Variants in CRHR2 observed in about 807,000 individuals in gnomAD.
CRHR2 encodes corticotropin releasing hormone receptor 2.
A neutral mutation model predicts 57.9 loss-of-function variants in CRHR2; 53 were observed. The observed-to-expected ratio is 0.92, with a 90% CI of 0.73 to 1.15. The LOEUF (loss-of-function observed/expected upper bound fraction) is 1.15, where lower values mean the gene tolerates loss of function less well. Among genes scored for constraint, CRHR2 ranks in the 50% most tolerant of loss-of-function variants. The pLI is 0.00. For synonymous variants in CRHR2, 213 were observed against 220.9 expected (o/e 0.96, Z 0.32); for missense variants, 532 against 542.6 (o/e 0.98, Z 0.19).
intron 2 of CRHR2, among the ~76,000 whole-genome samples, chr7:30,675,646 A>G (rs1279320293): frequency 6.6e-6 from 1 of 151,932 alleles, no homozygotes. Flanking sequence ...CATTAGCTCA[A>G]TTTTTCAAGG....
At position 30,653,369 on chromosome 7, in the gene CRHR2, T is replaced by A; in HGVS notation, c.*91A>T. ...GAGAGCTGGTCTCTCCCCTCCCATC[T>A]CCTGCCCCACGAGAGCCTGCCCAGC... On this transcript the variant is annotated 3_prime_UTR_variant, in exon 12 of 12. Transcript: ENST00000471646. The surrounding 1 kb of genome is among the most constrained non-coding windows in gnomAD (Gnocchi z 5.0). 2 of 1,521,978 alleles carry A rather than the reference T, an allele frequency of 1.3e-6. No homozygotes were observed. The highest frequency in any genetic ancestry group is 1.8e-6 in the Non-Finnish European group (2 of 1,131,702). 94.3% of individuals were successfully genotyped at this position (1,521,978 alleles called of 1,614,324 possible). A position where few individuals can be genotyped will look rare whatever the true frequency, so the allele number is the denominator to read the frequency against.
At position 30,656,811 on chromosome 7, in the gene CRHR2, C is replaced by T. The variant is rs1783806983; in HGVS notation, c.832-799G>A. Among the ~76,000 whole-genome samples, 1 of 152,146 alleles carries T rather than the reference C, an allele frequency of 6.6e-6. No homozygotes were observed. The highest frequency in any genetic ancestry group is 2.1e-4 in the South Asian group (1 of 4,828). On this transcript the variant is annotated intron_variant, in intron 8 of 11. Transcript: ENST00000471646. The surrounding 1 kb of genome is among the most constrained non-coding windows in gnomAD (Gnocchi z 4.4). ...GCTGTGACTATGACTGTGTTGTCCCCTGGGAGCTGCAGTGTGGGTCTGTGG... is the reference window on the plus strand; with the variant it reads ...GCTGTGACTATGACTGTGTTGTCCCTTGGGAGCTGCAGTGTGGGTCTGTGG...
chr7:30,665,455 G>C lies in CRHR2; in HGVS notation c.425+75C>G. On this transcript the variant is annotated intron_variant, in intron 4 of 11. Transcript: ENST00000471646. This position sits in a 1 kb window ranked among gnomAD's most constrained non-coding sequence, Gnocchi z 4.5. ...CTGCTGGGCCCCAGAATGGAGGTGA[G>C]AATGTCTGGGAGAGGTGAAGGGGGT... The C allele has an allele frequency of 7.9e-7, 1 of 1,272,412 alleles. No individual in the cohort carries two copies. Among genetic ancestry groups the C allele is most frequent in the South Asian group, 1.3e-5 (1 of 74,916 alleles). 78.8% of individuals were successfully genotyped at this position (1,272,412 alleles called of 1,614,324 possible).
rs778838762 is a variant in CRHR2, at chr7:30,655,986, G to A, written c.858C>T (p.Ile286=). The A allele has an allele frequency of 2.0e-5, 33 of 1,611,686 alleles. No individual in the cohort carries two copies. Among genetic ancestry groups the A allele is most frequent in the African/African-American group, 2.7e-5 (2 of 74,844 alleles). The change falls in exon 9 of 12, where the codon ATC becomes ATT. Residue 286 remains isoleucine, a synonymous_variant. Transcript: ENST00000471646. The part of the protein sequence containing the change: ...LLINFVFLFN[I]VRILMTKLRA... The stretch of plus-strand genomic sequence containing the variant: ...GTAACTTTGTCATTAGGATCCTGAC[G>A]ATGTTGAACAGAAATACGAAATTGA...
intron 5 of CRHR2, among the ~76,000 whole-genome samples, chr7:30,664,631 C>A (rs1784117646): frequency 6.6e-6 from 1 of 152,108 alleles, no homozygotes; most frequent in Non-Finnish European, 1.5e-5. Flanking sequence ...CTCCTCCCAG[C>A]CCAGCTCTGT....
rs936873542 is a variant in CRHR2 at position 30,665,779 on chromosome 7, G to A, written c.316-140C>T. ...GTGTCATTGCCGTGCCTGGCTCTTA[G>A]GGTTCGTTCCTGTTGGCCCTGGGTG... On this transcript the variant is annotated intron_variant, in intron 3 of 11. Coordinates refer to ENST00000471646, the MANE Select transcript of CRHR2 (RefSeq NM_001883.5). The surrounding 1 kb of genome is among the most constrained non-coding windows in gnomAD (Gnocchi z 4.5). 3.0e-5 allele frequency: 20 copies of A among 677,532 alleles called. No homozygotes were observed. In the African/African-American group the frequency reaches 3.4e-4, roughly 12 times the overall value. 42.0% of individuals were successfully genotyped at this position (677,532 alleles called of 1,614,324 possible).
chr7:30,654,631 G>A, intron 11 of CRHR2: 4 of 1,504,310 alleles, frequency 2.7e-6, no homozygotes, highest in Non-Finnish European at 3.6e-6. Flanking sequence ...TTGGTGTGTG[G>A]GCTTTTCTGT....
Position 30,679,271 on chromosome 7 carries a change from C to T in CRHR2, c.229+2644G>A, listed in dbSNP as rs889454237. Among the ~76,000 whole-genome samples, 8 of 152,306 alleles carry T rather than the reference C, an allele frequency of 5.3e-5. No homozygotes were observed. In the East Asian group the frequency reaches 1.3e-3, roughly 26 times the overall value. On this transcript the variant is annotated intron_variant, in intron 2 of 11. Coordinates refer to ENST00000471646, the MANE Select transcript of CRHR2 (RefSeq NM_001883.5). ...AAACCTCTAAGCTCTCCTCGCAAAC[C>T]GAATGCCTCTTGTGGAGGGAGTACT...
chr7:30,691,605 C>T (rs559132656), intron 1 of CRHR2, among the ~76,000 whole-genome samples: 1 of 152,328 alleles, frequency 6.6e-6, no homozygotes, highest in East Asian at 1.9e-4. Flanking sequence ...CACAGGGTTA[C>T]CATACTCTGC....
intron 2 of CRHR2, among the ~76,000 whole-genome samples, chr7:30,675,043 G>A (rs913286628): frequency 6.6e-6 from 1 of 152,208 alleles, no homozygotes; most frequent in Non-Finnish European, 1.5e-5. Flanking sequence ...GTCCCTCAGT[G>A]AGTCATGGCA....
intron 2 of CRHR2, among the ~76,000 whole-genome samples, chr7:30,670,121 TC>T (rs1784312098): frequency 6.6e-6 from 1 of 152,060 alleles, no homozygotes; most frequent in African/African-American, 2.4e-5. Flanking sequence ...TATGTTATAA[TC>T]CAGTACACAC....
chr7:30,680,352 G>T (rs1076294), intron 2 of CRHR2, among the ~76,000 whole-genome samples: 25 of 152,072 alleles, frequency 1.6e-4, no homozygotes, highest in Non-Finnish European at 7.4e-5. Flanking sequence ...CCCTGGGAAG[G>T]GGGGGCCCCC....
intron 2 of CRHR2, among the ~76,000 whole-genome samples, chr7:30,675,723 C>A (rs1336291627): frequency 6.6e-6 from 1 of 152,210 alleles, no homozygotes; most frequent in Admixed American, 6.5e-5. Context: ...TGGAATAACT[C>A]CCTTCCATGT....
intron 2 of CRHR2, among the ~76,000 whole-genome samples, chr7:30,678,008 T>G (rs1054101579): frequency 1.3e-5 from 2 of 152,232 alleles, no homozygotes; most frequent in Non-Finnish European, 2.9e-5. Flanking sequence ...AGTTTGAGAT[T>G]GCAGTGATCT....
chr7:30,654,365 A>G (rs549848046), intron 11 of CRHR2, among the ~76,000 whole-genome samples: 27 of 152,262 alleles, frequency 1.8e-4, no homozygotes, highest in Non-Finnish European at 2.9e-4. Context: ...GGAATGTGCT[A>G]TCATCCACAG....
rs1784715739 is a variant in CRHR2 at position 30,681,798 on chromosome 7, C to T, written c.229+117G>A. ...TAAGGGGTCCTTAACGCCCGCGGTC[C>T]GCGGTACCGCGGCCGTCAGCAGCTT... is the stretch of plus-strand genomic sequence containing the variant. On this transcript the variant is annotated intron_variant, in intron 2 of 11. Coordinates refer to ENST00000471646, the MANE Select transcript of CRHR2 (RefSeq NM_001883.5). 5.6e-6 allele frequency: 8 copies of T among 1,416,364 alleles called. No homozygotes were observed. In the South Asian group the frequency reaches 1.1e-4, roughly 20 times the overall value. 87.7% of individuals were successfully genotyped at this position (1,416,364 alleles called of 1,614,324 possible).
At chr7:30,667,439 C>T (rs1784223802) in intron 2 of CRHR2, 126 bp from the exon 3 acceptor site, 3 of 676,240 alleles carry the variant, frequency 4.4e-6, no homozygotes, top group African/African-American at 3.6e-5. Flanking sequence ...ATACAATGTG[C>T]ATCTGAAAGT....
upstream of CRHR2, among the ~76,000 whole-genome samples, chr7:30,683,114 G>A (rs1784778951): frequency 6.6e-6 from 1 of 152,176 alleles, no homozygotes; most frequent in South Asian, 2.1e-4. Flanking sequence ...TTAAGTAGGA[G>A]CCCAGAGGCA....
chr7:30,678,472 CAT>C (rs971292919), intron 2 of CRHR2, among the ~76,000 whole-genome samples: 7 of 152,210 alleles, frequency 4.6e-5, no homozygotes, highest in Admixed American at 6.5e-5. Context: ...CACTGACTAA[CAT>C]GTGTGGCCAT....
Sources: gnomAD v4.1 joint callset for allele counts (sites outside exome capture counted in the v4.1 genomes callset) on GRCh38, gnomAD v4.1.1 for gene constraint, Gnocchi (gnomAD v3.1) non-coding constraint, MANE v1.5 for transcripts, NCBI Gene and HGNC (gene_info 2026-07-23, HGNC 2026-07-21) for gene names.